The following FGF13 variants were observed in gnomAD, a reference collection of about 807,000 sequenced individuals.
FGF13 encodes fibroblast growth factor 13.
A neutral mutation model predicts 19.5 loss-of-function variants in FGF13; 2 were observed. The observed-to-expected ratio is 0.10, with a 90% CI of 0.04 to 0.32. The LOEUF is 0.32. FGF13 is among the 10% of genes least tolerant of loss of function. FGF13 has a pLI of 1.00. For missense variants in FGF13, 113 were observed against 192.7 expected, an observed-to-expected ratio of 0.59 and a Z score of 2.45; for synonymous variants, 72 against 76.9, an observed-to-expected ratio of 0.94 and a Z score of 0.33.
chrX:138,804,708 C>T (rs547172973), intron 3 of FGF13, among the ~76,000 whole-genome samples: 2 of 111,723 alleles, frequency 1.8e-5, no homozygotes, highest in South Asian at 3.7e-4. Context: ...TTTAGAAGGC[C>T]GCCTTGCGAT....
At chrX:138,888,792 C>A (rs979538458) in intron 1 of FGF13, among the ~76,000 whole-genome samples, 6 of 111,520 alleles carry the variant, frequency 5.4e-5, no homozygotes, top group African/African-American at 9.8e-5. Context: ...AACCTTCCTG[C>A]AATTCAGTAT....
At chrX:138,976,191 T>G in intron 1 of FGF13, among the ~76,000 whole-genome samples, 1 of 111,544 alleles carries the variant, frequency 9.0e-6, no homozygotes, top group African/African-American at 3.3e-5. Context: ...AATAAATCAT[T>G]GTTAATAAAT....
chrX:138,811,028 A>T (rs1443904316), intron 3 of FGF13, among the ~76,000 whole-genome samples: 1 of 112,231 alleles, frequency 8.9e-6, no homozygotes, highest in Non-Finnish European at 1.9e-5. Flanking sequence ...ATTGTGGAAG[A>T]CAGTGTGGCG....
rs1426435259 is a variant in FGF13 at position 138,808,239 on chromosome X, G to T, written c.217+49273C>A. On this transcript the variant is annotated intron_variant, in intron 3 of 6. Transcript: ENST00000436198. The stretch of plus-strand genomic sequence containing the variant: ...AAAAGAACAGAAATTATAACAAACT[G>T]TCTCTCAGACCACAGTGCAATCAAA... 3.6e-5 allele frequency among the ~76,000 whole-genome samples: 4 copies of T among 111,678 alleles called. No homozygotes were observed. In the Admixed American group the frequency reaches 3.8e-4, roughly 11 times the overall value.
At chrX:138,865,840 G>A (rs889090206) in intron 1 of FGF13, among the ~76,000 whole-genome samples, 1 of 111,246 alleles carries the variant, frequency 9.0e-6, no homozygotes, top group Admixed American at 9.6e-5. Context: ...AAGAAAATCA[G>A]GACCTACAAC....
At chrX:139,169,799 T>C (rs746204873) in intron 1 of FGF13, among the ~76,000 whole-genome samples, 2 of 111,773 alleles carry the variant, frequency 1.8e-5, no homozygotes, top group Admixed American at 9.5e-5. Context: ...ATCAAGTTCA[T>C]TGTCCCTAGA....
intron 2 of FGF13, among the ~76,000 whole-genome samples, chrX:138,708,476 T>C (rs891375228): frequency 9.0e-6 from 1 of 111,386 alleles, no homozygotes; most frequent in Non-Finnish European, 1.9e-5. Context: ...TTCTTAAGAG[T>C]AGAGATAACA....
At chrX:138,773,776 G>A (rs2090566342) in intron 3 of FGF13, among the ~76,000 whole-genome samples, 2 of 111,947 alleles carry the variant, frequency 1.8e-5, no homozygotes, top group South Asian at 7.5e-4. Context: ...AGAGCATTCA[G>A]CATCAACCAA....
chrX:138,892,000 A>ATGTGTGTGTGTGTGTG (rs200883636), intron 1 of FGF13, among the ~76,000 whole-genome samples: 941 of 46,912 alleles, frequency 0.02, 11 homozygotes, highest in African/African-American at 0.065. Flanking sequence ...CTATATATAC[A>ATGTGTGTGTGTGTGTG]TATGTGTGTG....
At chrX:138,744,609 T>G (rs1430238409) in intron 3 of FGF13, among the ~76,000 whole-genome samples, 1 of 111,209 alleles carries the variant, frequency 9.0e-6, no homozygotes, top group Admixed American at 9.6e-5. Flanking sequence ...CTTGACATTT[T>G]TTGGCAGCAT....
chrX:139,028,664 AAAGAGAG>A (rs2092212714), intron 1 of FGF13, among the ~76,000 whole-genome samples: 2 of 54,001 alleles, frequency 3.7e-5, no homozygotes, highest in African/African-American at 8.2e-5. Context: ...AGAGAGAGAG[AAAGAGAG>A]AGTGTGTGTG....
At chrX:139,160,911 T>G (rs906158353) in intron 1 of FGF13, among the ~76,000 whole-genome samples, 2 of 111,585 alleles carry the variant, frequency 1.8e-5, no homozygotes, top group African/African-American at 6.5e-5. Flanking sequence ...AATTCTACCA[T>G]TGGTACAAAG....
chrX:139,065,875 C>G (rs1357763647), intron 1 of FGF13, among the ~76,000 whole-genome samples: 1 of 111,761 alleles, frequency 8.9e-6, no homozygotes, highest in Non-Finnish European at 1.9e-5. Context: ...ATACATTCTT[C>G]TCAGCACCAC....
In FGF13 at chrX:138,710,862, G is replaced by C; in HGVS notation, c.142C>G (p.Arg48Gly). 1 of 1,212,178 alleles carries C rather than the reference G, an allele frequency of 8.2e-7. No individual in the cohort carries two copies. The highest frequency in any genetic ancestry group is 1.1e-6 in the Non-Finnish European group (1 of 895,584). The part of the protein sequence containing the change: ...CDKNKLNVFS[R>G]VKLFGSKKRR... Reference sequence around the variant, plus strand: ...TTCTTGGAGCCGAAGAGTTTGACCCGGGAAAAGACATTTAACTTGTTTTTG... The same window carrying C: ...TTCTTGGAGCCGAAGAGTTTGACCCCGGAAAAGACATTTAACTTGTTTTTG... The change falls in exon 1 of 5, where the codon CGG becomes GGG. Residue 48 changes from arginine to glycine, a missense_variant. Transcript: ENST00000315930.
chrX:139,148,737 C>A (rs1206573522), intron 1 of FGF13, among the ~76,000 whole-genome samples: 4 of 111,201 alleles, frequency 3.6e-5, no homozygotes, highest in African/African-American at 1.3e-4. Context: ...GTTCAACAAG[C>A]CCACATTTAG....
At chrX:138,678,450 G>C (rs1041880175) in intron 3 of FGF13, among the ~76,000 whole-genome samples, 2 of 111,579 alleles carry the variant, frequency 1.8e-5, no homozygotes, top group African/African-American at 3.3e-5. Context: ...TTAGATTCAC[G>C]CATGCCAATC....
intron 1 of FGF13, among the ~76,000 whole-genome samples, chrX:139,084,156 A>G (rs2083389107): frequency 9.1e-6 from 1 of 109,892 alleles, no homozygotes; most frequent in Admixed American, 9.8e-5. Context: ...GTTGTTATGA[A>G]TATGATAATG....
intron 1 of FGF13, among the ~76,000 whole-genome samples, chrX:139,076,384 T>C (rs28447580): frequency 7.2e-5 from 8 of 111,887 alleles, no homozygotes; most frequent in African/African-American, 2.6e-4. Context: ...TTGCACTTAT[T>C]TGGATACTTA....
chrX:138,710,965 C>T lies in FGF13; in HGVS notation c.39G>A (p.Lys13=), dbSNP rs1402605495. The T allele has an allele frequency of 1.7e-6, 2 of 1,210,322 alleles. No homozygotes were observed. The highest frequency in any genetic ancestry group is 2.2e-6 in the Non-Finnish European group (2 of 895,296). Residue 13 remains lysine, a synonymous_variant, in exon 1 of 5, where the codon AAG becomes AAA. Coordinates refer to ENST00000315930, the MANE Select transcript of FGF13 (RefSeq NM_004114.5). The part of the protein sequence containing the change: ...AAIASSLIRQ[K]RQAREREKSN... Reference sequence around the variant, plus strand: ...ATTTCTCGCGCTCGCGGGCTTGCCTCTTCTGACGGATGAGCGAGCTGGCGA... The same window carrying T: ...ATTTCTCGCGCTCGCGGGCTTGCCTTTTCTGACGGATGAGCGAGCTGGCGA...
Sources: allele counts gnomAD v4.1 joint callset (sites outside exome capture counted in the v4.1 genomes callset), GRCh38; gene constraint gnomAD v4.1.1; transcripts MANE v1.5; gene names NCBI Gene and HGNC (gene_info 2026-07-23, HGNC 2026-07-21).